SNTG1: variants seen among roughly 807,000 people sequenced by gnomAD.
SNTG1 encodes gamma-1-syntrophin.
SNTG1 carries 39 observed loss-of-function variants against 74.7 expected under a neutral mutation model. That is an observed-to-expected ratio of 0.52 (90% CI 0.40 to 0.68). The LOEUF (loss-of-function observed/expected upper bound fraction) is 0.68. Ranked by LOEUF, SNTG1 falls within the 30% of genes least tolerant of loss-of-function variation. The pLI is 0.00. For missense variants in SNTG1, 685 were observed against 609.5 expected, an observed-to-expected ratio of 1.12 and a Z score of -1.30; for synonymous variants, 254 against 217.1, an observed-to-expected ratio of 1.17 and a Z score of -1.49.
chr8:50,122,158 G>A lies in SNTG1; in HGVS notation c.-102-50403G>A, dbSNP rs2081017649. ...CACCTTGTAAGTTGTGCCCATGGTT[G>A]TGTGGGATAGTGTTTCTCAGCCTCT... is the stretch of plus-strand genomic sequence containing the variant. On this transcript the variant is annotated intron_variant, in intron 1 of 18. Transcript: ENST00000642720. Among the ~76,000 whole-genome samples, 4 of 141,828 alleles carry A rather than the reference G, an allele frequency of 2.8e-5. No individual in the cohort carries two copies. The Admixed American group carries it at 2.9e-4, about 10-fold the overall frequency. 93.0% of individuals were successfully genotyped at this position (141,828 alleles called of 152,430 possible).
chr8:50,786,758 AC>A (rs1161690031), intron 18 of SNTG1, among the ~76,000 whole-genome samples: 1 of 152,038 alleles, frequency 6.6e-6, no homozygotes, highest in Admixed American at 6.6e-5. Flanking sequence ...AGGTTTTTCA[AC>A]AAATAGTGCT....
intron 12 of SNTG1, among the ~76,000 whole-genome samples, chr8:50,574,968 T>C (rs979223199): frequency 3.3e-5 from 5 of 152,210 alleles, no homozygotes; most frequent in African/African-American, 1.2e-4. Context: ...TTAATGGTTT[T>C]AATCTATTGA....
chr8:50,563,149 G>A (rs1405346067), intron 12 of SNTG1, among the ~76,000 whole-genome samples: 1 of 152,158 alleles, frequency 6.6e-6, no homozygotes, highest in African/African-American at 2.4e-5. Context: ...TGATCCCTGA[G>A]AGTGTCTGTG....
chr8:50,685,075 G>C lies in SNTG1; in HGVS notation c.1039-19525G>C, dbSNP rs150991772. The stretch of plus-strand genomic sequence containing the variant: ...GCTAAATCTAAGACTTATTAAGTTA[G>C]TGAAGGAAATTAAGCCATGACGTGT... On this transcript the variant is annotated intron_variant, in intron 15 of 18. Transcript: ENST00000642720. Among the ~76,000 whole-genome samples the C allele has an allele frequency of 1.7e-4, 26 of 152,032 alleles. No individual in the cohort carries two copies. The East Asian group carries it at 5.0e-3, about 29-fold the overall frequency.
At chr8:50,138,706 G>A (rs945927543) in intron 1 of SNTG1, among the ~76,000 whole-genome samples, 5 of 151,044 alleles carry the variant, frequency 3.3e-5, no homozygotes, top group Non-Finnish European at 7.4e-5. Flanking sequence ...AAGCACTGAA[G>A]GACATGCAGT....
At position 50,609,653 on chromosome 8, in the gene SNTG1, A is replaced by G. The variant is rs188527151; in HGVS notation, c.849+18736A>G. ...TTCTCTCTCCTTTCTGCCTTAGACT[A>G]TCAATACACATGTTGATATGCTTAA... On this transcript the variant is annotated intron_variant, in intron 13 of 18. Coordinates refer to ENST00000642720, the MANE Select transcript of SNTG1 (RefSeq NM_018967.5). 1.5e-3 allele frequency among the ~76,000 whole-genome samples: 221 copies of G among 152,206 alleles called. 2 individuals are homozygous for G. The highest frequency in any genetic ancestry group is 0.01 in the Middle Eastern group (3 of 294).
chr8:50,047,616 C>G (rs1819207901), intron 1 of SNTG1, among the ~76,000 whole-genome samples: 1 of 152,020 alleles, frequency 6.6e-6, no homozygotes. Context: ...AGAAAACTTT[C>G]TAGTTGTAAG....
At chr8:49,995,698 TAGAG>T (rs1308359812) in intron 1 of SNTG1, among the ~76,000 whole-genome samples, 1 of 152,186 alleles carries the variant, frequency 6.6e-6, no homozygotes, top group Admixed American at 6.5e-5. Flanking sequence ...CTCTGCTCAT[TAGAG>T]AGAGAATGAG....
chr8:50,416,768 C>G (rs928629293), intron 4 of SNTG1, among the ~76,000 whole-genome samples: 9 of 152,156 alleles, frequency 5.9e-5, no homozygotes, highest in Non-Finnish European at 8.8e-5. Context: ...CTTTGACATC[C>G]ATGTGATTTA....
At chr8:50,657,077 T>G in intron 14 of SNTG1, 52 bp downstream of exon 14, 3 of 1,040,510 alleles carry the variant, frequency 2.9e-6, no homozygotes, top group African/African-American at 1.6e-5. Flanking sequence ...CACAAGAGAT[T>G]GACACCAACT....
chr8:50,173,725 A>G (rs919097741), intron 2 of SNTG1, among the ~76,000 whole-genome samples: 5 of 152,140 alleles, frequency 3.3e-5, no homozygotes, highest in Non-Finnish European at 7.4e-5. Flanking sequence ...TGGAAGCCAC[A>G]TTGTGCTGTT....
chr8:50,259,268 G>T (rs1157686247), intron 2 of SNTG1, among the ~76,000 whole-genome samples: 1 of 152,032 alleles, frequency 6.6e-6, no homozygotes, highest in African/African-American at 2.4e-5. Context: ...AGAGGCTGAG[G>T]CATGTGGATC....
Position 50,123,946 on chromosome 8 carries a change from T to C in SNTG1, c.-102-48615T>C, listed in dbSNP as rs563278333. The stretch of plus-strand genomic sequence containing the variant: ...TTAACAAAATTGAATATAAATAATA[T>C]AGGGTTTTCAGTGTCTTTTTCTTAT... On this transcript the variant is annotated intron_variant, in intron 1 of 18. Coordinates refer to ENST00000642720, the MANE Select transcript of SNTG1 (RefSeq NM_018967.5). Among the ~76,000 whole-genome samples the C allele has an allele frequency of 2.2e-4, 32 of 142,590 alleles. 4 individuals are homozygous for C. The highest frequency in any genetic ancestry group is 7.6e-4 in the African/African-American group (30 of 39,466). The allele number at this position is 142,590 out of a possible 152,430, so 93.5% of individuals were successfully genotyped here.
At chr8:50,053,137 T>C (rs1278543368) in intron 1 of SNTG1, among the ~76,000 whole-genome samples, 3 of 152,128 alleles carry the variant, frequency 2.0e-5, no homozygotes, top group African/African-American at 7.2e-5. Flanking sequence ...AAAAGGGTCA[T>C]AGTGGAATTA....
intron 2 of SNTG1, among the ~76,000 whole-genome samples, chr8:50,189,014 C>T (rs1171077372): frequency 6.6e-6 from 1 of 152,096 alleles, no homozygotes; most frequent in East Asian, 1.9e-4. Flanking sequence ...TTTTGAGTCA[C>T]TATGTAAATG....
intron 1 of SNTG1, among the ~76,000 whole-genome samples, chr8:50,158,053 T>C (rs543849095): frequency 2.0e-5 from 3 of 152,212 alleles, no homozygotes; most frequent in South Asian, 4.1e-4. Flanking sequence ...CCAAGTGACA[T>C]TGTTTGGGTG....
intron 1 of SNTG1, among the ~76,000 whole-genome samples, chr8:50,073,969 C>G (rs918618248): frequency 6.7e-6 from 1 of 149,524 alleles, no homozygotes; most frequent in African/African-American, 2.5e-5. Context: ...TTCTTAAGGG[C>G]CCTAGGATTT....
intron 1 of SNTG1, among the ~76,000 whole-genome samples, chr8:50,098,117 A>T (rs984464897): frequency 1.3e-5 from 2 of 152,140 alleles, no homozygotes; most frequent in African/African-American, 4.8e-5. Flanking sequence ...TCCAGGAAAA[A>T]CAGAGACATA....
chr8:50,020,761 A>C (rs189253056), intron 1 of SNTG1, among the ~76,000 whole-genome samples: 1 of 152,130 alleles, frequency 6.6e-6, no homozygotes, highest in Non-Finnish European at 1.5e-5. Context: ...AAATGCTTTT[A>C]TTCTCAGGTT....
Sources: gnomAD v4.1 joint callset for allele counts (sites outside exome capture counted in the v4.1 genomes callset) on GRCh38, gnomAD v4.1.1 for gene constraint, MANE v1.5 for transcripts, NCBI Gene and HGNC (gene_info 2026-07-23, HGNC 2026-07-21) for gene names.